MARCHF1: variants seen among roughly 807,000 people sequenced by gnomAD.
MARCHF1 encodes the protein E3 ubiquitin-protein ligase MARCHF1.
In MARCHF1, 40 loss-of-function variants were observed where a neutral mutation model predicts 54.2. The ratio of observed to expected loss-of-function variants is 0.74; its 90% confidence interval spans 0.57 to 0.96. The LOEUF (loss-of-function observed/expected upper bound fraction) is 0.96, where lower values mean the gene tolerates loss of function less well. MARCHF1 is among the 40% of genes least tolerant of loss of function. The probability of loss-of-function intolerance (pLI) is 0.00; values close to 1 mark genes in which losing one functional copy is unlikely to be tolerated. For synonymous variants in MARCHF1, 236 were observed against 236.3 expected, an observed-to-expected ratio of 1.00 and a Z score of 0.01; for missense variants, 586 against 656.5, an observed-to-expected ratio of 0.89 and a Z score of 1.17.
chr4:164,143,033 C>T (rs1430340904), intron 1 of MARCHF1, among the ~76,000 whole-genome samples: 1 of 149,142 alleles, frequency 6.7e-6, no homozygotes, highest in African/African-American at 2.5e-5. Flanking sequence ...ATGCAGAAGC[C>T]TCAGGAGCTG....
chr4:163,561,510 C>A (rs1739466506), intron 8 of MARCHF1, among the ~76,000 whole-genome samples: 1 of 152,098 alleles, frequency 6.6e-6, no homozygotes, highest in Admixed American at 6.5e-5. Context: ...ATAGCCAATA[C>A]ATCTATCACA....
At chr4:164,211,141 C>G (rs1731757761) in intron 1 of MARCHF1, among the ~76,000 whole-genome samples, 1 of 151,758 alleles carries the variant, frequency 6.6e-6, no homozygotes, top group African/African-American at 2.4e-5. Context: ...TGATTTATCA[C>G]AGAGAATGAT....
chr4:163,601,664 A>G lies in MARCHF1; in HGVS notation c.1010+10607T>C, dbSNP rs574925220. On this transcript the variant is annotated intron_variant, in intron 7 of 9. Transcript: ENST00000514618. ...CCTCATAACACGTAAATATTGATCC[A>G]TGTCTGAATGAGCATCATACTTCTA... 2.6e-5 allele frequency among the ~76,000 whole-genome samples: 4 copies of G among 152,224 alleles called. No individual in the cohort carries two copies. In the East Asian group the frequency reaches 7.7e-4, roughly 29 times the overall value.
intron 1 of MARCHF1, among the ~76,000 whole-genome samples, chr4:164,223,499 C>T (rs1732169366): frequency 6.6e-6 from 1 of 151,896 alleles, no homozygotes; most frequent in Non-Finnish European, 1.5e-5. Context: ...TATTGATTGC[C>T]TTCATTCTTC....
intron 5 of MARCHF1, among the ~76,000 whole-genome samples, chr4:163,689,314 A>G (rs1316518568): frequency 6.6e-6 from 1 of 152,168 alleles, no homozygotes; most frequent in African/African-American, 2.4e-5. Context: ...GATTTGGGTT[A>G]TTTTTCTAGC....
chr4:163,860,304 G>A (rs556286898), intron 3 of MARCHF1, among the ~76,000 whole-genome samples: 2 of 152,058 alleles, frequency 1.3e-5, no homozygotes, highest in African/African-American at 4.8e-5. Context: ...TTATTAGTGG[G>A]GACTCTACAC....
chr4:163,961,141 G>A (rs758858004), intron 3 of MARCHF1, among the ~76,000 whole-genome samples: 1 of 151,898 alleles, frequency 6.6e-6, no homozygotes. Context: ...GGGGGTTATG[G>A]AACCAAATGT....
chr4:163,686,036 G>C (rs1744259851), intron 5 of MARCHF1, among the ~76,000 whole-genome samples: 1 of 152,090 alleles, frequency 6.6e-6, no homozygotes, highest in East Asian at 1.9e-4. Context: ...GTCTAGAAGG[G>C]TTCTTGTCAG....
intron 1 of MARCHF1, among the ~76,000 whole-genome samples, chr4:164,170,073 C>A (rs965008936): frequency 2.0e-5 from 3 of 151,978 alleles, no homozygotes; most frequent in African/African-American, 4.8e-5. Flanking sequence ...TATCTTCCCA[C>A]AAAGGCAGAT....
At chr4:164,185,507 G>GCCAGACAA (rs1490292647) in intron 1 of MARCHF1, among the ~76,000 whole-genome samples, 1 of 151,970 alleles carries the variant, frequency 6.6e-6, no homozygotes, top group Non-Finnish European at 1.5e-5. Context: ...AATATATACT[G>GCCAGACAA]CCAGACAACA....
At chr4:164,232,263 G>A (rs991447138) in intron 1 of MARCHF1, among the ~76,000 whole-genome samples, 1 of 151,932 alleles carries the variant, frequency 6.6e-6, no homozygotes, top group Non-Finnish European at 1.5e-5. Context: ...GTTATCACAC[G>A]ACATTTATGC....
At chr4:164,101,809 T>C (rs1466125589) in intron 2 of MARCHF1, among the ~76,000 whole-genome samples, 1 of 150,390 alleles carries the variant, frequency 6.6e-6, no homozygotes, top group Non-Finnish European at 1.5e-5. Flanking sequence ...ACGATCAAAT[T>C]ACTCTGAGCT....
chr4:164,214,387 T>C (rs1731869691), intron 1 of MARCHF1, among the ~76,000 whole-genome samples: 1 of 152,174 alleles, frequency 6.6e-6, no homozygotes, highest in African/African-American at 2.4e-5. Context: ...TTTGTCACTA[T>C]AAATGAAGAT....
intron 3 of MARCHF1, among the ~76,000 whole-genome samples, chr4:163,974,656 A>C (rs1023808317): frequency 6.6e-6 from 1 of 152,214 alleles, no homozygotes; most frequent in African/African-American, 2.4e-5. Context: ...AAAAGAAATT[A>C]TAATAGATAT....
chr4:163,796,395 T>G (rs578126157), intron 4 of MARCHF1, among the ~76,000 whole-genome samples: 6 of 152,034 alleles, frequency 3.9e-5, no homozygotes, highest in African/African-American at 1.4e-4. Context: ...CTCGGCTAAT[T>G]TTTTTGTAGA....
At chr4:164,293,312 A>G (rs1189630659) in intron 1 of MARCHF1, among the ~76,000 whole-genome samples, 6 of 152,198 alleles carry the variant, frequency 3.9e-5, no homozygotes, top group Non-Finnish European at 8.8e-5. Flanking sequence ...GCTTCAGTCA[A>G]TCACAAGTTG....
At chr4:163,944,132 AATTTTTTT>A (rs1436622222) in intron 3 of MARCHF1, among the ~76,000 whole-genome samples, 3 of 58,748 alleles carry the variant, frequency 5.1e-5, no homozygotes, top group South Asian at 8.8e-4. Context: ...GCACCGGGCT[AATTTTTTT>A]TTTTTTTTTT....
chr4:163,746,875 G>T (rs1746377660), intron 4 of MARCHF1, among the ~76,000 whole-genome samples: 1 of 152,144 alleles, frequency 6.6e-6, no homozygotes, highest in South Asian at 2.1e-4. Context: ...AGGGAATTTT[G>T]GGGATTGAGG....
At chr4:163,852,923 T>C (rs1302780766) in intron 4 of MARCHF1, among the ~76,000 whole-genome samples, 1 of 152,062 alleles carries the variant, frequency 6.6e-6, no homozygotes, top group African/African-American at 2.4e-5. Context: ...ATAAATGGTA[T>C]TAGTGCCATT....
Sources: allele counts gnomAD v4.1 joint callset (sites outside exome capture counted in the v4.1 genomes callset), GRCh38; gene constraint gnomAD v4.1.1; transcripts MANE v1.5; gene names NCBI Gene and HGNC (gene_info 2026-07-23, HGNC 2026-07-21).